RIMS2: variants seen among roughly 807,000 people sequenced by gnomAD.
RIMS2 encodes the protein regulating synaptic membrane exocytosis protein 2.
RIMS2 carries 59 observed loss-of-function variants against 174.4 expected under a neutral mutation model. The observed-to-expected ratio is 0.34, with a 90% CI of 0.27 to 0.42. RIMS2 has a LOEUF of 0.42. Ranked by LOEUF, RIMS2 falls within the 10% of genes least tolerant of loss-of-function variation. RIMS2 has a pLI of 1.00. For synonymous variants in RIMS2, 606 were observed against 572.5 expected (o/e 1.06, Z -0.84); for missense variants, 1,620 against 1,666.3 (o/e 0.97, Z 0.48).
At chr8:103,614,422 G>C (rs1359406614) in intron 1 of RIMS2, among the ~76,000 whole-genome samples, 1 of 152,240 alleles carries the variant, frequency 6.6e-6, no homozygotes, top group Non-Finnish European at 1.5e-5. Flanking sequence ...GAGAGGTGTG[G>C]CACTGGCTAT....
chr8:103,907,276 A>C (rs2074625477), intron 4 of RIMS2, among the ~76,000 whole-genome samples: 1 of 152,214 alleles, frequency 6.6e-6, no homozygotes, highest in African/African-American at 2.4e-5. Flanking sequence ...TCATTTACAC[A>C]CAACTTTTTC....
intron 3 of RIMS2, among the ~76,000 whole-genome samples, chr8:103,796,724 A>T (rs1168233648): frequency 2.0e-5 from 3 of 152,228 alleles, no homozygotes; most frequent in African/African-American, 7.2e-5. Flanking sequence ...CTAGATGCTT[A>T]GAGTATAGCT....
chr8:103,869,943 C>T (rs1356103356), intron 3 of RIMS2, among the ~76,000 whole-genome samples: 3 of 152,052 alleles, frequency 2.0e-5, no homozygotes, highest in Non-Finnish European at 2.9e-5. Flanking sequence ...TTTGGTTGCA[C>T]GGCATCTTTG....
chr8:103,718,287 A>G (rs1259383364), intron 2 of RIMS2, among the ~76,000 whole-genome samples: 1 of 152,218 alleles, frequency 6.6e-6, no homozygotes, highest in Non-Finnish European at 1.5e-5. Context: ...GCTATTGTTC[A>G]TATATGGGTT....
chr8:104,064,300 A>G (rs1053454978), intron 19 of RIMS2, among the ~76,000 whole-genome samples: 1 of 152,196 alleles, frequency 6.6e-6, no homozygotes, highest in African/African-American at 2.4e-5. Context: ...CAAGAGCAAC[A>G]AAATATTGGA....
chr8:103,634,031 G>A (rs1241161487), intron 1 of RIMS2, among the ~76,000 whole-genome samples: 5 of 151,990 alleles, frequency 3.3e-5, no homozygotes, highest in Admixed American at 6.6e-5. Flanking sequence ...ATTCAGCTCC[G>A]ATTTTTGTTA....
At chr8:103,669,303 G>A (rs185856713) in intron 1 of RIMS2, among the ~76,000 whole-genome samples, 5 of 152,246 alleles carry the variant, frequency 3.3e-5, no homozygotes, top group South Asian at 4.1e-4. Context: ...TTCCCAAAAC[G>A]TGGGAATTAT....
intron 12 of RIMS2, among the ~76,000 whole-genome samples, chr8:103,932,879 G>A (rs576798555): frequency 4.6e-5 from 7 of 152,220 alleles, no homozygotes; most frequent in African/African-American, 1.7e-4. Flanking sequence ...CTCTATGGCC[G>A]GGTGTGGTGG....
chr8:104,146,737 G>C (rs1285169072), intron 19 of RIMS2, among the ~76,000 whole-genome samples: 2 of 152,116 alleles, frequency 1.3e-5, no homozygotes, highest in Non-Finnish European at 2.9e-5. Context: ...ATCTAACTCT[G>C]TCATCAAAGC....
At chr8:103,680,558 T>G (rs2096867515) in intron 1 of RIMS2, among the ~76,000 whole-genome samples, 1 of 151,978 alleles carries the variant, frequency 6.6e-6, no homozygotes, top group Non-Finnish European at 1.5e-5. Flanking sequence ...TTTGACTACC[T>G]CAAAATTAAA....
rs1405805034 is a variant in RIMS2 at position 103,776,095 on chromosome 8, G to A, written c.698+9558G>A. On this transcript the variant is annotated intron_variant, in intron 3 of 23. Coordinates refer to ENST00000504942, the Ensembl canonical transcript of RIMS2. ...GTTGCATTAAAATAAGCTGGGGTGA[G>A]TTTGGAAGGTCTCCATTTTGTACTT... Among the ~76,000 whole-genome samples the A allele has an allele frequency of 9.7e-4, 147 of 152,210 alleles. 2 individuals carry two copies. Among genetic ancestry groups the A allele is most frequent in the Non-Finnish European group, 8.8e-5 (6 of 67,964 alleles).
At chr8:104,124,249 A>G (rs1188305028) in intron 19 of RIMS2, among the ~76,000 whole-genome samples, 1 of 152,182 alleles carries the variant, frequency 6.6e-6, no homozygotes, top group Non-Finnish European at 1.5e-5. Context: ...TATTTAACCA[A>G]AAAGGAAAAT....
intron 1 of RIMS2, among the ~76,000 whole-genome samples, chr8:103,553,159 T>C (rs11785860): frequency 0.18 from 27,331 of 151,536 alleles, 2,703 homozygotes; most frequent in African/African-American, 0.25. Context: ...GTGTTTATTG[T>C]GGCACTATTT....
chr8:104,091,595 G>A (rs2097659243), intron 19 of RIMS2, among the ~76,000 whole-genome samples: 1 of 149,950 alleles, frequency 6.7e-6, no homozygotes, highest in Non-Finnish European at 1.5e-5. Context: ...AATATGTATA[G>A]ATATATCATT....
chr8:103,564,305 G>A (rs992314363), intron 1 of RIMS2, among the ~76,000 whole-genome samples: 9 of 152,102 alleles, frequency 5.9e-5, no homozygotes, highest in African/African-American at 2.2e-4. Context: ...AGTCACTTTG[G>A]GAGACTATGG....
intron 2 of RIMS2, among the ~76,000 whole-genome samples, chr8:103,763,439 G>GAAA (rs60882790): frequency 7.1e-6 from 1 of 141,528 alleles, no homozygotes; most frequent in African/African-American, 2.6e-5. Flanking sequence ...CTGTTTCAAG[G>GAAA]AAAAAAAAAA....
intron 3 of RIMS2, among the ~76,000 whole-genome samples, chr8:103,852,074 C>G (rs1185855344): frequency 6.6e-6 from 1 of 151,902 alleles, no homozygotes; most frequent in Non-Finnish European, 1.5e-5. Flanking sequence ...AATGACTTTT[C>G]CCCGAAAACA....
rs2097880080 is a variant in RIMS2 at position 103,750,866 on chromosome 8, A to G, written c.388-15361A>G. On this transcript the variant is annotated intron_variant, in intron 2 of 23. Coordinates refer to ENST00000504942, the Ensembl canonical transcript of RIMS2. ...TTGTCTTTATAAATTACCCAGCGAT[A>G]TGCTTTGGCTATGTCCCCAACCAAA... Among the ~76,000 whole-genome samples the G allele has an allele frequency of 1.3e-5, 2 of 152,114 alleles. 1 individual carries two copies. Among genetic ancestry groups the G allele is most frequent in the African/African-American group, 4.8e-5 (2 of 41,386 alleles).
At chr8:103,540,815 T>C (rs1298642796) in intron 1 of RIMS2, among the ~76,000 whole-genome samples, 1 of 151,478 alleles carries the variant, frequency 6.6e-6, no homozygotes, top group Non-Finnish European at 1.5e-5. Flanking sequence ...GAATTGTAAA[T>C]AAACAAGCAA....
Sources: gnomAD v4.1 joint callset for allele counts (sites outside exome capture counted in the v4.1 genomes callset) on GRCh38, gnomAD v4.1.1 for gene constraint, MANE v1.5 for transcripts, NCBI Gene and HGNC (gene_info 2026-07-23, HGNC 2026-07-21) for gene names.